FLT1: variants seen among roughly 807,000 people sequenced by gnomAD.
FLT1 encodes vascular endothelial growth factor receptor 1.
FLT1 carries 49 observed loss-of-function variants against 156.3 expected under a neutral mutation model. The ratio of observed to expected loss-of-function variants is 0.31; its 90% CI spans 0.25 to 0.40. The LOEUF (loss-of-function observed/expected upper bound fraction) is 0.40. Among genes scored for constraint, FLT1 ranks in the 10% least tolerant of loss-of-function variants. FLT1 has a pLI of 1.00. For synonymous variants in FLT1, 594 were observed against 583.8 expected (o/e 1.02, Z -0.25); for missense variants, 1,322 against 1,637.2 (o/e 0.81, Z 3.32).
intron 14 of FLT1, chr13:28,368,138 CTGTT>C (rs924223983): frequency 5.0e-5 from 32 of 646,040 alleles, no homozygotes; most frequent in Non-Finnish European, 5.8e-5. Context: ...TGAATTTTGT[CTGTT>C]TATTTATTTA....
intron 14 of FLT1, among the ~76,000 whole-genome samples, chr13:28,367,018 G>C (rs1278211706): frequency 1.3e-5 from 2 of 152,176 alleles, no homozygotes; most frequent in African/African-American, 4.8e-5. Context: ...GAAGACAATG[G>C]AAAATGTCAT....
chr13:28,393,399 C>T (rs1469269718), intron 12 of FLT1, among the ~76,000 whole-genome samples: 1 of 152,096 alleles, frequency 6.6e-6, no homozygotes, highest in East Asian at 1.9e-4. Context: ...TCTACTGCCA[C>T]CGAAGAGTGG....
Position 28,390,031 on chromosome 13 carries a change from T to C in FLT1, c.1734A>G (p.Thr578=). ...CGTCTCTGTATAAGAACTTGTTAAC[T>C]GTGCAAGACAGTTTCAGGTCCTCTC... ...TEGEDLKLSC[T]VNKFLYRDVT... Residue 578 remains threonine, a synonymous_variant, in exon 13 of 30, where the codon ACA becomes ACG. Transcript: ENST00000282397. The C allele has an allele frequency of 1.9e-6, 3 of 1,614,256 alleles. No individual in the cohort carries two copies. Among genetic ancestry groups the C allele is most frequent in the South Asian group, 1.1e-5 (1 of 91,086 alleles).
chr13:28,378,650 A>G (rs1873947975), intron 14 of FLT1, among the ~76,000 whole-genome samples: 1 of 152,282 alleles, frequency 6.6e-6, no homozygotes, highest in East Asian at 1.9e-4. Flanking sequence ...AACGGTCAGA[A>G]TCATTCAGCA....
chr13:28,346,060 A>T (rs936791281), intron 15 of FLT1, among the ~76,000 whole-genome samples: 8 of 151,988 alleles, frequency 5.3e-5, no homozygotes, highest in African/African-American at 1.7e-4. Context: ...TAAATCCAGG[A>T]CTGTCACAGT....
At chr13:28,438,760 G>A (rs1878180395) in intron 3 of FLT1, among the ~76,000 whole-genome samples, 1 of 152,198 alleles carries the variant, frequency 6.6e-6, no homozygotes, top group Admixed American at 6.5e-5. Context: ...ATGCAGTGGC[G>A]AAGGTCAACT....
At position 28,308,896 on chromosome 13, in the gene FLT1, C is replaced by T. The variant is rs1870864824; in HGVS notation, c.3667G>A (p.Glu1223Lys). The change falls in exon 28 of 30, where the codon GAA becomes AAA. Residue 1223 changes from glutamate (E) to lysine (K), a missense_variant. Glu to Lys is a moderately conservative substitution (Grantham distance 56). Transcript: ENST00000282397. ...AGTTCTTCAAAGGTTTTGATTCTTTCCAGGCTCATGAACTTGAAAGCATTT... is the reference window on the plus strand; with the variant it reads ...AGTTCTTCAAAGGTTTTGATTCTTTTCAGGCTCATGAACTTGAAAGCATTT... Reference protein sequence around the residue: ...YVNAFKFMSLERIKTFEELLP... With the variant: ...YVNAFKFMSLKRIKTFEELLP... 1 of 1,611,534 alleles carries T rather than the reference C, an allele frequency of 6.2e-7. No individual in the cohort carries two copies. Among genetic ancestry groups the T allele is most frequent in the African/African-American group, 1.3e-5 (1 of 74,880 alleles).
intron 1 of FLT1, among the ~76,000 whole-genome samples, chr13:28,486,890 ACTGGCCC>A (rs535037149): frequency 1.1e-3 from 162 of 152,272 alleles, no homozygotes; most frequent in African/African-American, 3.7e-3. Context: ...GGCCTCTCAA[ACTGGCCC>A]CTGGGCAGAG....
chr13:28,427,039 C>A (rs1877382655), intron 10 of FLT1, 120 bp downstream of exon 10: 8 of 927,076 alleles, frequency 8.6e-6, no homozygotes, highest in Admixed American at 3.5e-5. Context: ...GCAGGGAGAG[C>A]CTTTGCCTCA....
In FLT1 at chr13:28,395,387, T is replaced by C. The variant is rs532619987; in HGVS notation, c.1660+1573A>G. Among the ~76,000 whole-genome samples the C allele has an allele frequency of 3.9e-4, 59 of 152,286 alleles. 1 individual carries two copies. Among genetic ancestry groups the C allele is most frequent in the South Asian group, 2.3e-3 (11 of 4,830 alleles). On this transcript the variant is annotated intron_variant, in intron 12 of 29. Coordinates refer to ENST00000282397, the MANE Select transcript of FLT1 (RefSeq NM_002019.4). ...AGGCTTACAGCTGCACTGTCCAATA[T>C]GGTAACTGTGAGCCACATGTGGCTT...
rs762518912 is a variant in FLT1, at chr13:28,434,106, T to C, written c.628A>G (p.Thr210Ala). ...KEIGLLTCEA[T>A]VNGHLYKTNY... Reference sequence around the variant, plus strand: ...GTCTTATACAAATGCCCATTGACTGTTGCTTCACAGGTCAGAAGCCCTATT... The same window carrying C: ...GTCTTATACAAATGCCCATTGACTGCTGCTTCACAGGTCAGAAGCCCTATT... Residue 210 changes from threonine (T) to alanine (A), a missense_variant, in exon 5 of 30, where the codon ACA becomes GCA. Coordinates refer to ENST00000282397, the MANE Select transcript of FLT1 (RefSeq NM_002019.4). 3.1e-6 allele frequency: 5 copies of C among 1,614,094 alleles called. No individual in the cohort carries two copies. Among genetic ancestry groups the C allele is most frequent in the Non-Finnish European group, 4.2e-6 (5 of 1,180,028 alleles).
chr13:28,310,966 G>A (rs1022713878), intron 27 of FLT1, among the ~76,000 whole-genome samples: 1 of 152,138 alleles, frequency 6.6e-6, no homozygotes, highest in Non-Finnish European at 1.5e-5. Flanking sequence ...TATTTGGTGC[G>A]ATAATTTTGG....
intron 13 of FLT1, chr13:28,388,147 G>A: frequency 9.5e-7 from 1 of 1,057,286 alleles, no homozygotes; most frequent in South Asian, 4.6e-5. Flanking sequence ...AAGAGCCATA[G>A]GTAAAATTTC....
intron 14 of FLT1, among the ~76,000 whole-genome samples, chr13:28,366,470 G>A (rs898008256): frequency 8.1e-5 from 12 of 148,882 alleles, no homozygotes; most frequent in Non-Finnish European, 1.6e-4. Context: ...ACTCTGGAAA[G>A]CATTTTTTTT....
intron 14 of FLT1, among the ~76,000 whole-genome samples, chr13:28,358,296 TGAA>T (rs1053117201): frequency 6.6e-6 from 1 of 152,214 alleles, no homozygotes; most frequent in Non-Finnish European, 1.5e-5. Flanking sequence ...AGCCTAGTGA[TGAA>T]GAGTTTGCCT....
chr13:28,388,665 C>T, intron 13 of FLT1: 2 of 1,055,802 alleles, frequency 1.9e-6, no homozygotes, highest in Non-Finnish European at 2.3e-6. Context: ...CTTCTTAATC[C>T]CCATAAAAAT....
rs569772640 is a variant in FLT1 at position 28,424,101 on chromosome 13, G to T, written c.1436+3058C>A. ...TTATAGGTGCCTGCCACCGCTCCTG[G>T]CTAATTTTTGTATTTTAAGTAGTGG... On this transcript the variant is annotated intron_variant, in intron 10 of 29. Coordinates refer to ENST00000282397, the MANE Select transcript of FLT1 (RefSeq NM_002019.4). Among the ~76,000 whole-genome samples the T allele has an allele frequency of 4.6e-5, 7 of 151,974 alleles. No homozygotes were observed. In the South Asian group the frequency reaches 1.5e-3, roughly 32 times the overall value.
At chr13:28,474,635 G>T (rs1248881904) in intron 1 of FLT1, among the ~76,000 whole-genome samples, 2 of 152,106 alleles carry the variant, frequency 1.3e-5, no homozygotes, top group East Asian at 3.9e-4. Flanking sequence ...GAGACAGGAA[G>T]GTAGATTAGT....
At chr13:28,426,614 C>T (rs1051779531) in intron 10 of FLT1, among the ~76,000 whole-genome samples, 3 of 152,106 alleles carry the variant, frequency 2.0e-5, no homozygotes, top group South Asian at 4.2e-4. Context: ...GGAGAGTTCA[C>T]AGAGAAGGTG....
Sources: gnomAD v4.1 joint callset for allele counts (sites outside exome capture counted in the v4.1 genomes callset) on GRCh38, gnomAD v4.1.1 for gene constraint, MANE v1.5 for transcripts, NCBI Gene and HGNC (gene_info 2026-07-23, HGNC 2026-07-21) for gene names.